The following GAS7 variants were observed in gnomAD, a reference collection of about 807,000 sequenced individuals.
The protein encoded by GAS7 is growth arrest-specific protein 7.
Under a neutral mutation model 71.1 loss-of-function variants are expected in GAS7, and 28 were observed. The ratio of observed to expected loss-of-function variants is 0.39; its 90% CI spans 0.29 to 0.54. GAS7 has a LOEUF of 0.54. GAS7 is among the 20% of genes least tolerant of loss of function. The pLI, the probability that GAS7 is intolerant of heterozygous loss-of-function variation, is 0.62. For synonymous variants in GAS7, 258 were observed against 245.8 expected, an observed-to-expected ratio of 1.05 and a Z score of -0.46; for missense variants, 436 against 627.8, an observed-to-expected ratio of 0.69 and a Z score of 3.27.
Position 9,919,775 on chromosome 17 carries a change from C to T in GAS7, c.1139-70G>A. The T allele has an allele frequency of 8.6e-7, 1 of 1,163,508 alleles. No homozygotes were observed. Among genetic ancestry groups the T allele is most frequent in the South Asian group, 1.2e-5 (1 of 82,266 alleles). 72.1% of individuals were successfully genotyped at this position (1,163,508 alleles called of 1,614,324 possible). A position where few individuals can be genotyped will look rare whatever the true frequency, so the allele number is the denominator to read the frequency against. On this transcript the variant is annotated intron_variant, in intron 11 of 13. Coordinates refer to ENST00000432992, the MANE Select transcript of GAS7 (RefSeq NM_201433.2). This position sits in a 1 kb window ranked among gnomAD's most constrained non-coding sequence, Gnocchi z 5.0. ...CCATGACTCTGTGCCCCACCCTGAG[C>T]CCCACAGCCAAGCCTTCTCCTCCCC...
At chr17:9,951,586 A>G (rs908834891) in intron 5 of GAS7, among the ~76,000 whole-genome samples, 3 of 152,148 alleles carry the variant, frequency 2.0e-5, no homozygotes, top group South Asian at 2.1e-4. Flanking sequence ...GAGAAACCCC[A>G]TCTCTACTAA....
chr17:9,928,454 C>T (rs903373818), intron 9 of GAS7, among the ~76,000 whole-genome samples: 9 of 152,060 alleles, frequency 5.9e-5, no homozygotes, highest in Non-Finnish European at 1.2e-4. Flanking sequence ...ATCAACGGGA[C>T]CTGCTGTGGT....
intron 9 of GAS7, among the ~76,000 whole-genome samples, chr17:9,929,015 C>A (rs2068112587): frequency 6.6e-6 from 1 of 152,192 alleles, no homozygotes; most frequent in Admixed American, 6.5e-5. Context: ...GCCCCTGGAA[C>A]CTTCCCTGTA....
chr17:10,103,810 A>C lies in GAS7; in HGVS notation c.184-83913T>G, dbSNP rs1335443568. Among the ~76,000 whole-genome samples the C allele has an allele frequency of 6.6e-6, 1 of 151,546 alleles. No individual in the cohort carries two copies. Among genetic ancestry groups the C allele is most frequent in the Admixed American group, 6.6e-5 (1 of 15,210 alleles). On this transcript the variant is annotated intron_variant, in intron 1 of 13. Transcript: ENST00000432992. This position sits in a 1 kb window ranked among gnomAD's most constrained non-coding sequence, Gnocchi z 5.5. ...CATTGCACTCCAGCCTGGGTGACAC[A>C]GCAAGACTGCATCTCAAAAAATCTC...
chr17:10,096,967 C>G (rs928116509), intron 1 of GAS7, among the ~76,000 whole-genome samples: 2 of 152,222 alleles, frequency 1.3e-5, no homozygotes, highest in African/African-American at 2.4e-5. Context: ...ATCCCCTCAC[C>G]CTGCAGCTAT....
chr17:10,103,919 A>C lies in GAS7; in HGVS notation c.184-84022T>G, dbSNP rs2073732871. Among the ~76,000 whole-genome samples, 1 of 151,488 alleles carries C rather than the reference A, an allele frequency of 6.6e-6. No homozygotes were observed. Among genetic ancestry groups the C allele is most frequent in the African/African-American group, 2.4e-5 (1 of 41,258 alleles). ...AGCCCAAATTCATCCTATCCTACCC[A>C]CATCAGAGCCCACGCTCGCAGCCTT... On this transcript the variant is annotated intron_variant, in intron 1 of 13. Coordinates refer to ENST00000432992, the MANE Select transcript of GAS7 (RefSeq NM_201433.2). The surrounding 1 kb of genome is among the most constrained non-coding windows in gnomAD (Gnocchi z 5.5).
Position 9,918,847 on chromosome 17 carries a change from A to AG in GAS7, c.1219-749dup, listed in dbSNP as rs1305020425. Among the ~76,000 whole-genome samples the AG allele has an allele frequency of 2.0e-5, 3 of 152,132 alleles. No individual in the cohort carries two copies. In the East Asian group the frequency reaches 5.8e-4, roughly 29 times the overall value. ...TCACTGCCCAGGTGATTAATCAGAA[A>AG]GGGGGGTAAAGCAGGGGGCTTAATT... is the stretch of plus-strand genomic sequence containing the variant. On this transcript the variant is annotated intron_variant, in intron 12 of 13. Transcript: ENST00000432992.
chr17:9,986,066 T>C (rs1043091838), intron 2 of GAS7, among the ~76,000 whole-genome samples: 7 of 152,200 alleles, frequency 4.6e-5, no homozygotes, highest in Admixed American at 1.3e-4. Context: ...CCTTATCTCC[T>C]TGAGGGTCGA....
chr17:9,961,804 T>C (rs1203545970), intron 4 of GAS7, among the ~76,000 whole-genome samples: 1 of 152,204 alleles, frequency 6.6e-6, no homozygotes, highest in African/African-American at 2.4e-5. Context: ...CACAAGGCTA[T>C]AGTAAACAGA....
intron 1 of GAS7, among the ~76,000 whole-genome samples, chr17:10,024,829 G>C (rs893749581): frequency 5.9e-5 from 9 of 152,162 alleles, no homozygotes; most frequent in African/African-American, 2.2e-4. Flanking sequence ...AGTAATATCA[G>C]GAGGTTTCTA....
chr17:10,028,205 A>C (rs989128574), intron 1 of GAS7, among the ~76,000 whole-genome samples: 2 of 152,124 alleles, frequency 1.3e-5, no homozygotes, highest in Non-Finnish European at 2.9e-5. Flanking sequence ...GCCCGGCCTT[A>C]ACATTTCTTT....
intron 8 of GAS7, among the ~76,000 whole-genome samples, chr17:9,935,586 T>TGGAGC (rs1326082463): frequency 9.9e-5 from 15 of 152,226 alleles, no homozygotes; most frequent in South Asian, 2.1e-4. Context: ...CTTCTGGGTC[T>TGGAGC]GGAGCAGAGC....
At chr17:10,189,981 A>G (rs1295369281) in intron 1 of GAS7, among the ~76,000 whole-genome samples, 1 of 152,124 alleles carries the variant, frequency 6.6e-6, no homozygotes, top group Non-Finnish European at 1.5e-5. Flanking sequence ...AAGAAGAATA[A>G]TACTTCACGG....
rs1233897936 is a variant in GAS7 at position 9,974,891 on chromosome 17, A to G, written c.386-5129T>C. Among the ~76,000 whole-genome samples, 1 of 152,194 alleles carries G rather than the reference A, an allele frequency of 6.6e-6. No individual in the cohort carries two copies. Among genetic ancestry groups the G allele is most frequent in the East Asian group, 1.9e-4 (1 of 5,190 alleles). On this transcript the variant is annotated intron_variant, in intron 3 of 13. Coordinates refer to ENST00000432992, the MANE Select transcript of GAS7 (RefSeq NM_201433.2). This position sits in a 1 kb window ranked among gnomAD's most constrained non-coding sequence, Gnocchi z 4.0. ...TTCCATATCTCAGTACCGATCCCTG[A>G]GGGAAAAAGTCGCATCCTCAGAGCC...
chr17:10,189,996 T>A (rs1306075225), intron 1 of GAS7, among the ~76,000 whole-genome samples: 2 of 151,516 alleles, frequency 1.3e-5, no homozygotes, highest in Admixed American at 6.6e-5. Context: ...TCACGGCCCA[T>A]GAAAATTATA....
intron 1 of GAS7, among the ~76,000 whole-genome samples, chr17:10,175,950 TG>T (rs1271813483): frequency 6.6e-6 from 1 of 152,198 alleles, no homozygotes; most frequent in Non-Finnish European, 1.5e-5. Context: ...GACTGTCCCC[TG>T]GGGCCCCTCA....
chr17:9,943,012 C>G lies in GAS7; in HGVS notation c.731+109G>C, dbSNP rs1204458790. On this transcript the variant is annotated intron_variant, in intron 7 of 13. Coordinates refer to ENST00000432992, the MANE Select transcript of GAS7 (RefSeq NM_201433.2). ...GTTTGCCGCCTGGCGCTAACCAGCC[C>G]AATGCTGAGTGTGCAGTACTGAGTC... 4.4e-6 allele frequency: 3 copies of G among 682,474 alleles called. No individual in the cohort carries two copies. The African/African-American group carries it at 5.3e-5, about 12-fold the overall frequency. The allele number at this position is 682,474 out of a possible 1,614,324, so 42.3% of individuals were successfully genotyped here.
intron 1 of GAS7, among the ~76,000 whole-genome samples, chr17:10,124,148 G>T (rs187082562): frequency 1.3e-5 from 2 of 152,352 alleles, no homozygotes; most frequent in Non-Finnish European, 2.9e-5. Context: ...CACTGTGCCT[G>T]GGCGGGCTCC....
chr17:10,127,749 A>C (rs2073962165), intron 1 of GAS7, among the ~76,000 whole-genome samples: 1 of 152,106 alleles, frequency 6.6e-6, no homozygotes, highest in South Asian at 2.1e-4. Flanking sequence ...CTAAACCCCC[A>C]AGACTGGGCA....
Sources: allele counts gnomAD v4.1 joint callset (sites outside exome capture counted in the v4.1 genomes callset), GRCh38; gene constraint gnomAD v4.1.1; non-coding constraint Gnocchi (gnomAD v3.1); transcripts MANE v1.5; gene names NCBI Gene and HGNC (gene_info 2026-07-23, HGNC 2026-07-21).